Variants in TENT2 observed in about 807,000 individuals in gnomAD.
The protein encoded by TENT2 is poly(A) RNA polymerase GLD2.
In TENT2, 44 loss-of-function variants were observed where a neutral mutation model predicts 72.2. The ratio of observed to expected loss-of-function variants is 0.61; its 90% CI spans 0.48 to 0.78. TENT2 has a LOEUF of 0.78. Among genes scored for constraint, TENT2 ranks in the 30% least tolerant of loss-of-function variants. The probability of loss-of-function intolerance (pLI) is 0.00; values close to 1 mark genes in which losing one functional copy is unlikely to be tolerated. For synonymous variants in TENT2, 212 were observed against 192.5 expected (o/e 1.10, Z -0.84); for missense variants, 541 against 569.6 (o/e 0.95, Z 0.51).
chr5:79,659,831 C>A (rs1801341638), intron 11 of TENT2, among the ~76,000 whole-genome samples: 1 of 151,444 alleles, frequency 6.6e-6, no homozygotes, highest in South Asian at 2.1e-4. Context: ...TATCTAATTT[C>A]TGTTGCTTAT....
chr5:79,639,670 ATCTAGATCTCTTGTGGT>A, intron 4 of TENT2, among the ~76,000 whole-genome samples: 2 of 152,258 alleles, frequency 1.3e-5, no homozygotes, highest in Middle Eastern at 6.8e-3. Flanking sequence ...ATTCAAGGGA[ATCTAGATCTCTTGTGGT>A]TCTAGAGCAG....
chr5:79,660,287 G>A (rs1290613393), intron 11 of TENT2, among the ~76,000 whole-genome samples: 2 of 152,068 alleles, frequency 1.3e-5, no homozygotes, highest in African/African-American at 2.4e-5. Flanking sequence ...GGAGGGGTAC[G>A]TTATTCAGTT....
At chr5:79,630,500 C>G (rs556672882) in intron 4 of TENT2, among the ~76,000 whole-genome samples, 1 of 151,994 alleles carries the variant, frequency 6.6e-6, no homozygotes, top group Non-Finnish European at 1.5e-5. Flanking sequence ...TTGCTTGAAC[C>G]CAGGAGGTGG....
At chr5:79,683,970 A>G (rs1180520461) in intron 14 of TENT2, among the ~76,000 whole-genome samples, 1 of 150,584 alleles carries the variant, frequency 6.6e-6, no homozygotes, top group Non-Finnish European at 1.5e-5. Context: ...TTTAATTTTA[A>G]AACAAATATT....
At chr5:79,652,233 TA>T (rs1238869738) in intron 10 of TENT2, among the ~76,000 whole-genome samples, 6 of 152,034 alleles carry the variant, frequency 3.9e-5, no homozygotes, top group African/African-American at 1.2e-4. Flanking sequence ...TTTTCTAGAA[TA>T]GGGGAATGGT....
intron 4 of TENT2, among the ~76,000 whole-genome samples, chr5:79,638,704 G>T (rs1782134882): frequency 6.6e-6 from 1 of 152,148 alleles, no homozygotes. Context: ...GATACCATGT[G>T]AATCTTGCTG....
At chr5:79,628,485 A>G (rs1192136087) in intron 4 of TENT2, among the ~76,000 whole-genome samples, 3 of 152,186 alleles carry the variant, frequency 2.0e-5, no homozygotes, top group Non-Finnish European at 4.4e-5. Flanking sequence ...TATCCTAATG[A>G]GAGGTGCTGA....
chr5:79,677,270 G>T (rs528587604), intron 12 of TENT2, among the ~76,000 whole-genome samples: 3 of 152,188 alleles, frequency 2.0e-5, no homozygotes, highest in African/African-American at 7.2e-5. Flanking sequence ...TTTAATAACT[G>T]CATTATTTGG....
intron 6 of TENT2, among the ~76,000 whole-genome samples, chr5:79,642,217 C>G (rs1356962385): frequency 6.6e-6 from 1 of 151,936 alleles, no homozygotes; most frequent in African/African-American, 2.4e-5. Context: ...AAAATGACTT[C>G]TAGTTACTGC....
intron 4 of TENT2, among the ~76,000 whole-genome samples, chr5:79,631,148 T>C (rs934972282): frequency 4.6e-5 from 7 of 152,202 alleles, no homozygotes; most frequent in African/African-American, 1.7e-4. Context: ...TTTAGTAGCA[T>C]TCCTGCCACC....
intron 11 of TENT2, among the ~76,000 whole-genome samples, chr5:79,664,192 C>T (rs1282498713): frequency 2.6e-5 from 4 of 152,024 alleles, no homozygotes; most frequent in Admixed American, 2.6e-4. Flanking sequence ...CCTAGGAATA[C>T]CAAGGGACAA....
chr5:79,624,263 AT>A (rs1296971699), intron 4 of TENT2, among the ~76,000 whole-genome samples: 1 of 152,208 alleles, frequency 6.6e-6, no homozygotes, highest in Non-Finnish European at 1.5e-5. Flanking sequence ...TGAAGAAAAT[AT>A]AGCAACTTTG....
In TENT2 at chr5:79,619,602, A is replaced by G; in HGVS notation, c.-37-10A>G. 6.4e-7 allele frequency: 1 copy of G among 1,552,016 alleles called. No homozygotes were observed. On this transcript the variant is annotated splice_polypyrimidine_tract_variant and intron_variant, in intron 1 of 14. Transcript: ENST00000453514. ...TGATAATTTAATATTGTCTTTTTAA[A>G]TTATCCTAGGTAGAAGAATACATGT...
At chr5:79,647,478 T>C (rs2150104179) in intron 8 of TENT2, among the ~76,000 whole-genome samples, 1 of 152,298 alleles carries the variant, frequency 6.6e-6, no homozygotes, top group Non-Finnish European at 1.5e-5. Context: ...ACACAAAGAA[T>C]AACTCTATTA....
At chr5:79,645,027 T>C in intron 7 of TENT2, 96 bp from the exon 8 acceptor site, 2 of 929,372 alleles carry the variant, frequency 2.2e-6, no homozygotes, top group South Asian at 4.0e-5. Flanking sequence ...TTAAATTATT[T>C]TAGCTTAGTA....
At position 79,687,496 on chromosome 5, in the gene TENT2, C is replaced by G. The variant is rs1041555850; in HGVS notation, c.*2223C>G. Reference sequence around the variant, plus strand: ...TTTGCATATATCCTACACACATTCTCTTGATACTTTAAATCATCTCTAAAT... The same window carrying G: ...TTTGCATATATCCTACACACATTCTGTTGATACTTTAAATCATCTCTAAAT... On this transcript the variant is annotated 3_prime_UTR_variant, in exon 15 of 15. Coordinates refer to ENST00000453514, the MANE Select transcript of TENT2 (RefSeq NM_001114394.3). Among the ~76,000 whole-genome samples, 1 of 152,302 alleles carries G rather than the reference C, an allele frequency of 6.6e-6. No individual in the cohort carries two copies. Among genetic ancestry groups the G allele is most frequent in the East Asian group, 1.9e-4 (1 of 5,186 alleles).
chr5:79,617,366 A>AAAT (rs1349629933), intron 1 of TENT2, among the ~76,000 whole-genome samples: 4 of 151,916 alleles, frequency 2.6e-5, no homozygotes, highest in African/African-American at 9.7e-5. Context: ...GTAACTGATT[A>AAAT]TATTGCCTTT....
At chr5:79,661,055 T>C (rs79876360) in intron 11 of TENT2, among the ~76,000 whole-genome samples, 1,947 of 152,204 alleles carry the variant, frequency 0.013, 54 homozygotes, top group African/African-American at 0.043. Flanking sequence ...AAAGAAAATA[T>C]TGGTATCGTT....
intron 11 of TENT2, among the ~76,000 whole-genome samples, chr5:79,658,358 CTT>C (rs35709204): frequency 4.2e-5 from 6 of 143,070 alleles, no homozygotes; most frequent in Non-Finnish European, 3.1e-5. Context: ...TTTATTTATT[CTT>C]TTTTTTTTTT....
Sources: gnomAD v4.1 joint callset for allele counts (sites outside exome capture counted in the v4.1 genomes callset) on GRCh38, gnomAD v4.1.1 for gene constraint, MANE v1.5 for transcripts, NCBI Gene and HGNC (gene_info 2026-07-23, HGNC 2026-07-21) for gene names.